The following SHANK2 variants were observed in gnomAD, a reference collection of about 807,000 sequenced individuals.
SHANK2 encodes the protein SH3 and multiple ankyrin repeat domains protein 2.
In SHANK2, 43 loss-of-function variants were observed where a neutral mutation model predicts 133.7. The ratio of observed to expected loss-of-function variants is 0.32; its 90% CI spans 0.25 to 0.41. The LOEUF is 0.41. Ranked by LOEUF, SHANK2 falls within the 10% of genes least tolerant of loss-of-function variation. The pLI is 1.00. For missense variants in SHANK2, 1,994 were observed against 2,235.8 expected (o/e 0.89, Z 2.18); for synonymous variants, 1,017 against 952.8 (o/e 1.07, Z -1.24).
At chr11:70,723,796 G>A (rs1946118069) in intron 14 of SHANK2, among the ~76,000 whole-genome samples, 1 of 152,194 alleles carries the variant, frequency 6.6e-6, no homozygotes, top group Non-Finnish European at 1.5e-5. Flanking sequence ...GGAAGAGGAT[G>A]TAGAGAGGCA....
chr11:70,840,861 G>A lies in SHANK2; in HGVS notation c.1175-20179C>T, dbSNP rs1473851482. ...CCGGGCACTTCTAAGAGATGCTGAT[G>A]AGGCCACCCCCAGCCATCAAGACTT... On this transcript the variant is annotated intron_variant, in intron 11 of 25. Transcript: ENST00000601538. Among the ~76,000 whole-genome samples, 4 of 152,212 alleles carry A rather than the reference G, an allele frequency of 2.6e-5. No homozygotes were observed. The East Asian group carries it at 7.7e-4, about 29-fold the overall frequency.
chr11:70,891,575 C>T (rs781860274), intron 11 of SHANK2, among the ~76,000 whole-genome samples: 6 of 152,130 alleles, frequency 3.9e-5, no homozygotes, highest in East Asian at 1.9e-4. Flanking sequence ...AGTCCAAAAT[C>T]GATGTGTTGG....
intron 6 of SHANK2, among the ~76,000 whole-genome samples, chr11:71,098,295 G>T (rs942769742): frequency 2.6e-5 from 4 of 152,186 alleles, no homozygotes; most frequent in African/African-American, 9.7e-5. Flanking sequence ...CTGTGTGCAT[G>T]CCTCTGTGTG....
chr11:70,923,618 A>C (rs1463433304), intron 10 of SHANK2, among the ~76,000 whole-genome samples: 2 of 152,168 alleles, frequency 1.3e-5, no homozygotes, highest in Non-Finnish European at 2.9e-5. Context: ...ACGTAACCTC[A>C]GTTCACTGAT....
intron 17 of SHANK2, 22 bp downstream of exon 17, chr11:70,659,806 A>T: frequency 6.2e-7 from 1 of 1,614,002 alleles, no homozygotes; most frequent in Non-Finnish European, 8.5e-7. Context: ...AAGCAGAAAG[A>T]TACAGACACC....
At chr11:71,138,352 A>G (rs1315540727) in intron 3 of SHANK2, among the ~76,000 whole-genome samples, 95 of 152,344 alleles carry the variant, frequency 6.2e-4, no homozygotes, top group Middle Eastern at 3.4e-3. Flanking sequence ...AGTCCTCCCA[A>G]TATTCAAAAG....
chr11:70,595,463 G>A (rs1280307240), intron 17 of SHANK2, among the ~76,000 whole-genome samples: 2 of 152,248 alleles, frequency 1.3e-5, no homozygotes, highest in East Asian at 1.9e-4. Context: ...AGGCCTATGA[G>A]GCTCACCCAG....
At chr11:71,075,966 T>C (rs970045252) in intron 8 of SHANK2, among the ~76,000 whole-genome samples, 5 of 152,196 alleles carry the variant, frequency 3.3e-5, no homozygotes, top group Admixed American at 1.3e-4. Flanking sequence ...TGAGTACCTA[T>C]GTGCACCCTC....
intron 11 of SHANK2, among the ~76,000 whole-genome samples, chr11:70,846,323 G>A (rs1393204000): frequency 6.6e-6 from 1 of 152,124 alleles, no homozygotes; most frequent in Admixed American, 6.5e-5. Flanking sequence ...ATATGCAGTG[G>A]TGCGGTCTCA....
intron 2 of SHANK2, among the ~76,000 whole-genome samples, chr11:71,192,034 T>G (rs1953804200): frequency 6.6e-6 from 1 of 152,032 alleles, no homozygotes; most frequent in African/African-American, 2.4e-5. Flanking sequence ...ATAATTTTTG[T>G]ATTTTTAGTA....
chr11:70,758,191 A>T (rs189970291), intron 14 of SHANK2, among the ~76,000 whole-genome samples: 1 of 152,350 alleles, frequency 6.6e-6, no homozygotes, highest in East Asian at 1.9e-4. Context: ...AATGATCGGG[A>T]TGTAAACCCA....
chr11:70,935,692 C>T lies in SHANK2; in HGVS notation c.1108-39125G>A, dbSNP rs868928485. Among the ~76,000 whole-genome samples, 6 of 152,238 alleles carry T rather than the reference C, an allele frequency of 3.9e-5. No homozygotes were observed. In the South Asian group the frequency reaches 1.2e-3, roughly 32 times the overall value. On this transcript the variant is annotated intron_variant, in intron 10 of 25. Coordinates refer to ENST00000601538, the MANE Select transcript of SHANK2 (RefSeq NM_012309.5). ...ATGTGCCGGGCCCCGAGTGGGACAG[C>T]TGCCTTGAATGAAGACATGAAAAAA... is the stretch of plus-strand genomic sequence containing the variant.
Position 70,798,483 on chromosome 11 carries a change from G to A in SHANK2, c.1737C>T (p.Cys579=), listed in dbSNP as rs1202063640. ...TGGGCTTACACTGGACCTCCTCCAC[G>A]CACTCCGCCGGAAACCATCCGATGT... The part of the protein sequence containing the change: ...RGHIGWFPAE[C]VEEVQCKPRD... Residue 579 remains cysteine (C), a synonymous_variant, in exon 14 of 26, where the codon TGC becomes TGT. Coordinates refer to ENST00000601538, the MANE Select transcript of SHANK2 (RefSeq NM_012309.5). The A allele has an allele frequency of 1.1e-5, 8 of 718,488 alleles. No individual in the cohort carries two copies. Among genetic ancestry groups the A allele is most frequent in the Admixed American group, 8.0e-5 (4 of 50,020 alleles). The allele number at this position is 718,488 out of a possible 1,614,324, so 44.5% of individuals were successfully genotyped here. A position where few individuals can be genotyped will look rare whatever the true frequency, so the allele number is the denominator to read the frequency against.
intron 14 of SHANK2, among the ~76,000 whole-genome samples, chr11:70,772,638 C>T (rs1555043132): frequency 6.6e-6 from 1 of 152,070 alleles, no homozygotes. Flanking sequence ...CCTCTCTGCA[C>T]CAGGGCAAGA....
intron 14 of SHANK2, among the ~76,000 whole-genome samples, chr11:70,731,403 T>A (rs1946287270): frequency 6.6e-6 from 1 of 152,192 alleles, no homozygotes; most frequent in South Asian, 2.1e-4. Context: ...ACTGACATAC[T>A]CCCCGCTCCT....
Position 70,794,278 on chromosome 11 carries a change from G to GAAA in SHANK2, c.1777+4162_1777+4164dup, listed in dbSNP as rs35217416. ...TCTGGGCAACAGAGACTCCGTCTCA[G>GAAA]AAAAAAAAAAAAAAACAACATATAA... On this transcript the variant is annotated intron_variant, in intron 14 of 25. Coordinates refer to ENST00000601538, the MANE Select transcript of SHANK2 (RefSeq NM_012309.5). Among the ~76,000 whole-genome samples the GAAA allele has an allele frequency of 9.6e-5, 13 of 134,884 alleles. No individual in the cohort carries two copies. The South Asian group carries it at 1.2e-3, about 12-fold the overall frequency. 88.5% of individuals were successfully genotyped at this position (134,884 alleles called of 152,430 possible).
intron 11 of SHANK2, among the ~76,000 whole-genome samples, chr11:70,837,225 G>A (rs186992765): frequency 3.2e-4 from 49 of 152,296 alleles, no homozygotes; most frequent in African/African-American, 9.6e-4. Flanking sequence ...CCCCCTTACA[G>A]GCCACTGCCC....
intron 8 of SHANK2, among the ~76,000 whole-genome samples, chr11:71,077,175 AG>A (rs1348937083): frequency 1.2e-4 from 18 of 152,176 alleles, no homozygotes; most frequent in Non-Finnish European, 2.4e-4. Flanking sequence ...CTTGAACTGA[AG>A]GATCCCTGGC....
chr11:70,785,981 A>G (rs1330541205), intron 14 of SHANK2, among the ~76,000 whole-genome samples: 2 of 152,150 alleles, frequency 1.3e-5, no homozygotes, highest in Non-Finnish European at 2.9e-5. Context: ...CTGGTGTCCT[A>G]CCTGCTATGC....
Sources: gnomAD v4.1 joint callset for allele counts (sites outside exome capture counted in the v4.1 genomes callset) on GRCh38, gnomAD v4.1.1 for gene constraint, MANE v1.5 for transcripts, NCBI Gene and HGNC (gene_info 2026-07-23, HGNC 2026-07-21) for gene names.